The following NOSTRIN variants were observed in gnomAD, a reference collection of about 807,000 sequenced individuals.
The protein encoded by NOSTRIN is BM247 homolog.
In NOSTRIN, 63 loss-of-function variants were observed where a neutral mutation model predicts 59.0. The observed-to-expected ratio is 1.07, with a 90% CI of 0.87 to 1.32. The LOEUF is 1.32. Ranked by LOEUF, NOSTRIN falls within the 40% of genes most tolerant of loss-of-function variation. The pLI is 0.00. For synonymous variants in NOSTRIN, 200 were observed against 165.4 expected (o/e 1.21, Z -1.61); for missense variants, 512 against 473.1 (o/e 1.08, Z -0.76).
intron 5 of NOSTRIN, among the ~76,000 whole-genome samples, chr2:168,830,110 A>G (rs184836372): frequency 2.8e-4 from 42 of 152,350 alleles, no homozygotes; most frequent in African/African-American, 9.4e-4. Flanking sequence ...TGCCTTTGCA[A>G]GCCAACTTAA....
At chr2:168,822,966 G>A (rs1015380418) in intron 2 of NOSTRIN, among the ~76,000 whole-genome samples, 3 of 152,086 alleles carry the variant, frequency 2.0e-5, no homozygotes, top group African/African-American at 4.8e-5. Flanking sequence ...CTAATATCCC[G>A]AGATCAGTAG....
At chr2:168,819,052 A>AC (rs1398045632) in intron 2 of NOSTRIN, among the ~76,000 whole-genome samples, 1 of 151,376 alleles carries the variant, frequency 6.6e-6, no homozygotes, top group Non-Finnish European at 1.5e-5. Flanking sequence ...GAAAGAAAAA[A>AC]ATGCAAAAGG....
intron 7 of NOSTRIN, among the ~76,000 whole-genome samples, chr2:168,840,169 G>A (rs892117987): frequency 2.6e-5 from 4 of 152,060 alleles, no homozygotes; most frequent in Non-Finnish European, 5.9e-5. Flanking sequence ...GCATTGAACT[G>A]TTGCCAGGTT....
At chr2:168,816,385 C>G (rs1686404464) in intron 2 of NOSTRIN, among the ~76,000 whole-genome samples, 1 of 152,140 alleles carries the variant, frequency 6.6e-6, no homozygotes, top group African/African-American at 2.4e-5. Flanking sequence ...GAGCTGAACT[C>G]TGCCTTCCTG....
chr2:168,794,412 C>T (rs1468256309), upstream of NOSTRIN, among the ~76,000 whole-genome samples: 1 of 147,366 alleles, frequency 6.8e-6, no homozygotes, highest in African/African-American at 2.5e-5. Flanking sequence ...AGTGCAGTGG[C>T]ACGATCTCAG....
rs1368962000 is a variant in NOSTRIN at position 168,790,770 on chromosome 2, G to A, written c.-473+2722G>A. On this transcript the variant is annotated intron_variant, in intron 2 of 20. Coordinates refer to the NOSTRIN transcript ENST00000458381. ...AATTGGTGGAACTCAGGGTTAGATA[G>A]TAGTGATGAATCCATTTCAATTTCC... is the stretch of plus-strand genomic sequence containing the variant. Among the ~76,000 whole-genome samples, 4 of 152,166 alleles carry A rather than the reference G, an allele frequency of 2.6e-5. No individual in the cohort carries two copies. In the East Asian group the frequency reaches 7.7e-4, roughly 29 times the overall value.
chr2:168,803,211 G>A (rs996062566), intron 1 of NOSTRIN, among the ~76,000 whole-genome samples: 6 of 152,146 alleles, frequency 3.9e-5, no homozygotes, highest in African/African-American at 4.8e-5. Context: ...ATGTTTGTTC[G>A]TTTTGGTAAT....
At chr2:168,842,843 C>T in intron 7 of NOSTRIN, 149 bp from the exon 8 acceptor site, 1 of 614,394 alleles carries the variant, frequency 1.6e-6, no homozygotes. Flanking sequence ...TTATAAAGAT[C>T]TTTCATTTTG....
chr2:168,797,079 C>CTTTTCTTTTTTTTTTTTTTTTTTTTTT (rs1553519713), upstream of NOSTRIN, among the ~76,000 whole-genome samples: 1 of 75,054 alleles, frequency 1.3e-5, no homozygotes, highest in Non-Finnish European at 2.5e-5. Flanking sequence ...TTTCTTTTTT[C>CTTTTCTTTTTTTTTTTTTTTTTTTTTT]TTTTTTTTTT....
At chr2:168,803,095 C>T (rs1187190874) in intron 1 of NOSTRIN, among the ~76,000 whole-genome samples, 1 of 152,114 alleles carries the variant, frequency 6.6e-6, no homozygotes, top group Non-Finnish European at 1.5e-5. Context: ...TTTTCACCCT[C>T]ATTTTTTGGA....
intron 15 of NOSTRIN, among the ~76,000 whole-genome samples, chr2:168,864,292 T>G (rs1167538699): frequency 6.6e-6 from 1 of 151,688 alleles, no homozygotes; most frequent in African/African-American, 2.4e-5. Flanking sequence ...CCTGTTTTTT[T>G]TTTTCTGAGA....
intron 2 of NOSTRIN, among the ~76,000 whole-genome samples, chr2:168,791,235 A>G (rs571751001): frequency 1.3e-5 from 2 of 152,240 alleles, no homozygotes; most frequent in South Asian, 4.2e-4. Context: ...GAGTGAGAAC[A>G]TGCGGTGTTT....
intron 8 of NOSTRIN, among the ~76,000 whole-genome samples, chr2:168,845,260 T>A (rs1010724584): frequency 6.6e-6 from 1 of 152,218 alleles, no homozygotes; most frequent in Non-Finnish European, 1.5e-5. Context: ...TCACCTCACC[T>A]CATCACTTCC....
rs1687165831 is a variant in NOSTRIN at position 168,828,306 on chromosome 2, C to G, written c.260+86C>G. ...TTTGCTACAAATATTCCACTTCCAACTTGCACTGAATAGGTGTTCCATAAC... is the reference window on the plus strand; with the variant it reads ...TTTGCTACAAATATTCCACTTCCAAGTTGCACTGAATAGGTGTTCCATAAC... On this transcript the variant is annotated intron_variant, in intron 4 of 15. Transcript: ENST00000317647. 8.1e-6 allele frequency: 7 copies of G among 869,214 alleles called. 2 individuals carry two copies. The highest frequency in any genetic ancestry group is 4.9e-5 in the African/African-American group (3 of 61,374). The allele number at this position is 869,214 out of a possible 1,614,324, so 53.8% of individuals were successfully genotyped here.
chr2:168,800,877 A>G (rs1685591629), upstream of NOSTRIN, among the ~76,000 whole-genome samples: 2 of 150,232 alleles, frequency 1.3e-5, no homozygotes, highest in South Asian at 4.3e-4. Context: ...CATGTTATTA[A>G]CCTCAGTCTA....
At chr2:168,812,281 A>G (rs1460653304) in intron 2 of NOSTRIN, among the ~76,000 whole-genome samples, 1 of 152,170 alleles carries the variant, frequency 6.6e-6, no homozygotes, top group Non-Finnish European at 1.5e-5. Context: ...CTACTTCTAG[A>G]TAGCTCCGTA....
At chr2:168,788,596 ATGAGAAGCC>A (rs1261819088) in intron 2 of NOSTRIN, among the ~76,000 whole-genome samples, 4 of 152,172 alleles carry the variant, frequency 2.6e-5, no homozygotes. Flanking sequence ...GCAGCCTGGC[ATGAGAAGCC>A]AGAGCATGGA....
At chr2:168,823,308 G>A (rs1229867014) in intron 2 of NOSTRIN, among the ~76,000 whole-genome samples, 1 of 152,176 alleles carries the variant, frequency 6.6e-6, no homozygotes, top group Non-Finnish European at 1.5e-5. Flanking sequence ...GAGCCACCGC[G>A]CCCGGCCAGT....
chr2:168,798,355 C>T (rs1685535907), upstream of NOSTRIN: 1 of 152,300 alleles, frequency 6.6e-6, no homozygotes, highest in African/African-American at 2.4e-5. Flanking sequence ...TTTTGAATTG[C>T]CATGAGCTTC....
Sources: allele counts gnomAD v4.1 joint callset (sites outside exome capture counted in the v4.1 genomes callset), GRCh38; gene constraint gnomAD v4.1.1; transcripts MANE v1.5; gene names NCBI Gene and HGNC (gene_info 2026-07-23, HGNC 2026-07-21).